Variants in PRR16 observed in about 807,000 individuals in gnomAD.
PRR16 encodes the protein protein Largen.
A neutral mutation model predicts 18.2 loss-of-function variants in PRR16; 6 were observed. The ratio of observed to expected loss-of-function variants is 0.33; its 90% CI spans 0.18 to 0.65. PRR16 has a LOEUF of 0.65. Among genes scored for constraint, PRR16 ranks in the 30% least tolerant of loss-of-function variants. The probability of loss-of-function intolerance (pLI) is 0.74; values close to 1 mark genes in which losing one functional copy is unlikely to be tolerated. For missense variants in PRR16, 412 were observed against 376.6 expected (o/e 1.09, Z -0.78); for synonymous variants, 151 against 147.8 (o/e 1.02, Z -0.16).
chr5:120,628,348 T>A (rs1382186865), intron 1 of PRR16, among the ~76,000 whole-genome samples: 1 of 152,082 alleles, frequency 6.6e-6, no homozygotes, highest in African/African-American at 2.4e-5. Flanking sequence ...TGAGACTGAG[T>A]GGGCTGGACT....
intron 1 of PRR16, among the ~76,000 whole-genome samples, chr5:120,657,286 C>G (rs78083456): frequency 0.058 from 8,805 of 151,964 alleles, 307 homozygotes; most frequent in South Asian, 0.084. Context: ...CAGATTGAAG[C>G]TGAGATAACA....
At chr5:120,503,573 C>G (rs1750539134) in intron 1 of PRR16, among the ~76,000 whole-genome samples, 1 of 152,032 alleles carries the variant, frequency 6.6e-6, no homozygotes, top group Non-Finnish European at 1.5e-5. Context: ...TTTGTTATCA[C>G]TCAAGTAGGA....
intron 1 of PRR16, among the ~76,000 whole-genome samples, chr5:120,503,278 A>G (rs1340615101): frequency 1.3e-5 from 2 of 152,150 alleles, no homozygotes; most frequent in Non-Finnish European, 2.9e-5. Context: ...TATTTACTTA[A>G]AAAGGGGTGC....
At chr5:120,785,549 ATGTG>A in the PRR16 span, among the ~76,000 whole-genome samples, 1 of 135,082 alleles carries the variant, frequency 7.4e-6, no homozygotes, top group Non-Finnish European at 1.6e-5. Context: ...GTCTCTGTGT[ATGTG>A]TGTGTGTGTT....
At chr5:120,618,607 A>C (rs1446806463) in intron 1 of PRR16, 1 of 875,042 alleles carries the variant, frequency 1.1e-6, no homozygotes, top group African/African-American at 1.8e-5. Flanking sequence ...TAAAATGGAC[A>C]AAAAAGGTAT....
At chr5:120,677,339 C>T (rs1415142481) in intron 1 of PRR16, among the ~76,000 whole-genome samples, 3 of 152,142 alleles carry the variant, frequency 2.0e-5, no homozygotes, top group African/African-American at 4.8e-5. Flanking sequence ...TATGAGGGCT[C>T]TTCCAGAGGA....
chr5:120,783,250 G>A, the PRR16 span, among the ~76,000 whole-genome samples: 1 of 152,246 alleles, frequency 6.6e-6, no homozygotes, highest in East Asian at 1.9e-4. Flanking sequence ...TTCATAGTTT[G>A]CGAAGCATGA....
At chr5:120,750,456 C>T in the PRR16 span, among the ~76,000 whole-genome samples, 11 of 151,530 alleles carry the variant, frequency 7.3e-5, no homozygotes, top group Non-Finnish European at 1.5e-4. Flanking sequence ...GTCAGGAGTT[C>T]GAGACCAGCC....
At chr5:120,544,576 A>G (rs948417072) in intron 1 of PRR16, among the ~76,000 whole-genome samples, 13 of 152,298 alleles carry the variant, frequency 8.5e-5, no homozygotes, top group Admixed American at 3.3e-4. Flanking sequence ...ACAATAATAT[A>G]TATAATACAA....
chr5:120,573,677 A>G (rs565481120), intron 1 of PRR16, among the ~76,000 whole-genome samples: 2 of 152,290 alleles, frequency 1.3e-5, no homozygotes, highest in South Asian at 4.1e-4. Context: ...TGATAAAAAT[A>G]AAAACAATGC....
intron 1 of PRR16, among the ~76,000 whole-genome samples, chr5:120,623,726 A>C (rs1426900258): frequency 6.6e-6 from 1 of 152,126 alleles, no homozygotes; most frequent in Admixed American, 6.6e-5. Context: ...GATTCATTAG[A>C]CATCCAGAGC....
At chr5:120,617,009 C>A in intron 1 of PRR16, 1 of 551,246 alleles carries the variant, frequency 1.8e-6, no homozygotes, top group Non-Finnish European at 2.3e-6. Context: ...CCATTCATAA[C>A]CTCCTGCACC....
At chr5:120,740,542 G>C in the PRR16 span, among the ~76,000 whole-genome samples, 4 of 152,062 alleles carry the variant, frequency 2.6e-5, no homozygotes, top group African/African-American at 9.7e-5. Context: ...ATACATGTGT[G>C]GGTCTATTTC....
intron 1 of PRR16, among the ~76,000 whole-genome samples, chr5:120,519,032 A>G (rs1751087398): frequency 6.6e-6 from 1 of 152,100 alleles, no homozygotes; most frequent in South Asian, 2.1e-4. Context: ...TTGGCGATAA[A>G]TAAGCCTACG....
intron 1 of PRR16, among the ~76,000 whole-genome samples, chr5:120,622,239 C>G (rs528918564): frequency 6.6e-6 from 1 of 152,168 alleles, no homozygotes; most frequent in South Asian, 2.1e-4. Context: ...ACCTCAATAT[C>G]TAGAAAAGTA....
chr5:120,573,337 A>G (rs1336473550), intron 1 of PRR16, among the ~76,000 whole-genome samples: 3 of 152,230 alleles, frequency 2.0e-5, no homozygotes, highest in Non-Finnish European at 2.9e-5. Context: ...CAAAATGGCA[A>G]GAGGAATAAA....
At chr5:120,737,665 G>A in the PRR16 span, among the ~76,000 whole-genome samples, 3 of 149,620 alleles carry the variant, frequency 2.0e-5, no homozygotes, top group Non-Finnish European at 4.4e-5. Flanking sequence ...GGAAGAGTTT[G>A]AAAAGGATTA....
At chr5:120,770,440 A>G in the PRR16 span, among the ~76,000 whole-genome samples, 1 of 152,050 alleles carries the variant, frequency 6.6e-6, no homozygotes, top group African/African-American at 2.4e-5. Flanking sequence ...GATTGAAGAC[A>G]TAAACATAAG....
the PRR16 span, among the ~76,000 whole-genome samples, chr5:120,769,944 A>G: frequency 6.6e-6 from 1 of 151,610 alleles, no homozygotes; most frequent in African/African-American, 2.4e-5. Context: ...TTTGACTTTC[A>G]TTTCTTTGAT....
Sources: gnomAD v4.1 joint callset for allele counts (sites outside exome capture counted in the v4.1 genomes callset) on GRCh38, gnomAD v4.1.1 for gene constraint, MANE v1.5 for transcripts, NCBI Gene and HGNC (gene_info 2026-07-23, HGNC 2026-07-21) for gene names.